CDK6: variants seen among roughly 807,000 people sequenced by gnomAD.
The protein encoded by CDK6 is cyclin-dependent kinase 6.
Under a neutral mutation model 37.1 loss-of-function variants are expected in CDK6, and 6 were observed. That is an observed-to-expected ratio of 0.16 (90% CI 0.09 to 0.32). The LOEUF is 0.32. CDK6 is among the 10% of genes least tolerant of loss of function. The pLI is 1.00. For synonymous variants in CDK6, 160 were observed against 161.3 expected, an observed-to-expected ratio of 0.99 and a Z score of 0.06; for missense variants, 224 against 418.9, an observed-to-expected ratio of 0.53 and a Z score of 4.06.
chr7:92,772,429 G>C (rs1283275318), intron 3 of CDK6, among the ~76,000 whole-genome samples: 1 of 151,918 alleles, frequency 6.6e-6, no homozygotes, highest in Non-Finnish European at 1.5e-5. Flanking sequence ...TTGGATCAAG[G>C]GGTGCTGATC....
Position 92,608,344 on chromosome 7 carries a change from A to C in CDK6, c.*6796T>G. ...CTGCTACATGAGATAATTTGTTTACATACCTTTAATTACCTAACAAAGAAA... is the reference window on the plus strand; with the variant it reads ...CTGCTACATGAGATAATTTGTTTACCTACCTTTAATTACCTAACAAAGAAA... On this transcript the variant is annotated 3_prime_UTR_variant, in exon 8 of 8. Coordinates refer to ENST00000424848, the MANE Select transcript of CDK6 (RefSeq NM_001145306.2). The C allele has an allele frequency of 4.3e-6, 1 of 232,040 alleles. No homozygotes were observed. The highest frequency in any genetic ancestry group is 6.1e-5 in the East Asian group (1 of 16,306). The allele number at this position is 232,040 out of a possible 1,614,324, so 14.4% of individuals were successfully genotyped here.
At chr7:92,676,972 A>G (rs906080500) in intron 4 of CDK6, among the ~76,000 whole-genome samples, 3 of 151,600 alleles carry the variant, frequency 2.0e-5, no homozygotes, top group Non-Finnish European at 4.4e-5. Flanking sequence ...AAAAAAAAAA[A>G]GAAAGAAAAG....
At chr7:92,780,808 A>AAAAAAAACC (rs1486063696) in intron 2 of CDK6, among the ~76,000 whole-genome samples, 1 of 151,270 alleles carries the variant, frequency 6.6e-6, no homozygotes, top group Non-Finnish European at 1.5e-5. Flanking sequence ...CAACAACAAC[A>AAAAAAAACC]AAAAAAACCA....
intron 3 of CDK6, among the ~76,000 whole-genome samples, chr7:92,769,363 C>A (rs927044510): frequency 6.6e-6 from 1 of 152,054 alleles, no homozygotes; most frequent in African/African-American, 2.4e-5. Context: ...AAATTTTATT[C>A]CAAGATTGAA....
At chr7:92,733,831 T>C (rs1003719445) in intron 3 of CDK6, among the ~76,000 whole-genome samples, 8 of 152,148 alleles carry the variant, frequency 5.3e-5, no homozygotes, top group African/African-American at 1.7e-4. Context: ...TTCCACTCTT[T>C]ATAAAACATT....
At chr7:92,618,390 G>A (rs1795727955) in intron 6 of CDK6, 183 bp from the exon 7 acceptor site, 1 of 552,340 alleles carries the variant, frequency 1.8e-6, no homozygotes, top group Admixed American at 3.4e-5. Context: ...GGTGGCCATG[G>A]GGGAGAGGGT....
chr7:92,682,069 G>A lies in CDK6; in HGVS notation c.538-10534C>T, dbSNP rs368707594. 1.1e-3 allele frequency among the ~76,000 whole-genome samples: 172 copies of A among 152,016 alleles called. 1 individual carries two copies. Among genetic ancestry groups the A allele is most frequent in the African/African-American group, 4.1e-3 (169 of 41,468 alleles). The stretch of plus-strand genomic sequence containing the variant: ...TTCAATGAAGCCACCATCAGATCCC[G>A]ACAATTCCATCGAGAGCATGTCCTC... On this transcript the variant is annotated intron_variant, in intron 4 of 7. Coordinates refer to ENST00000424848, the MANE Select transcript of CDK6 (RefSeq NM_001145306.2).
At chr7:92,619,335 C>T (rs191760607) in intron 6 of CDK6, among the ~76,000 whole-genome samples, 73 of 152,190 alleles carry the variant, frequency 4.8e-4, no homozygotes, top group African/African-American at 1.7e-3. Flanking sequence ...TTATAGTTTA[C>T]ATATAGGTCG....
In CDK6 at chr7:92,614,358, G is replaced by A. The variant is rs42377; in HGVS notation, c.*782C>T. ...TCCAAAAGAAATGATAAAGCATGAT[G>A]TCATACAGAAGGTTAAAATAGACTT... On this transcript the variant is annotated 3_prime_UTR_variant, in exon 8 of 8. Transcript: ENST00000424848. The A allele has an allele frequency of 0.28, 59,829 of 214,996 alleles. 8,470 individuals carry two copies. The highest frequency in any genetic ancestry group is 0.31 in the Non-Finnish European group (36,284 of 117,592). The allele number at this position is 214,996 out of a possible 1,614,324, so 13.3% of individuals were successfully genotyped here.
At chr7:92,626,955 T>A (rs990445730) in intron 5 of CDK6, among the ~76,000 whole-genome samples, 2 of 152,102 alleles carry the variant, frequency 1.3e-5, no homozygotes, top group Non-Finnish European at 1.5e-5. Flanking sequence ...TAGTTTGGCA[T>A]ACCTATGTAT....
intron 6 of CDK6, 152 bp downstream of exon 6, chr7:92,622,884 C>G: frequency 1.7e-6 from 1 of 589,040 alleles, no homozygotes; most frequent in Non-Finnish European, 3.1e-6. Flanking sequence ...TCTACCATGT[C>G]TCCACTCACC....
chr7:92,826,644 C>A (rs528942517), intron 2 of CDK6, among the ~76,000 whole-genome samples: 7 of 152,028 alleles, frequency 4.6e-5, no homozygotes, highest in Non-Finnish European at 1.0e-4. Context: ...AAAGCAAGTA[C>A]AATATTGAAG....
At chr7:92,830,867 C>T (rs1801460550) in intron 2 of CDK6, among the ~76,000 whole-genome samples, 1 of 152,120 alleles carries the variant, frequency 6.6e-6, no homozygotes, top group African/African-American at 2.4e-5. Flanking sequence ...GTTCCAGAGC[C>T]TGTAATGTCT....
intron 2 of CDK6, among the ~76,000 whole-genome samples, chr7:92,827,576 A>C (rs2116007627): frequency 6.6e-6 from 1 of 152,130 alleles, no homozygotes; most frequent in East Asian, 1.9e-4. Flanking sequence ...TCTTGGAAAA[A>C]TCTCTCTGAT....
chr7:92,762,976 C>T (rs1799495221), intron 3 of CDK6, among the ~76,000 whole-genome samples: 1 of 152,188 alleles, frequency 6.6e-6, no homozygotes, highest in Non-Finnish European at 1.5e-5. Flanking sequence ...TTATTTTATG[C>T]CTTGCAGTCC....
At chr7:92,804,598 T>C (rs903907699) in intron 2 of CDK6, among the ~76,000 whole-genome samples, 1 of 152,210 alleles carries the variant, frequency 6.6e-6, no homozygotes, top group Non-Finnish European at 1.5e-5. Flanking sequence ...TAATGCTAGA[T>C]GGTTGGACTT....
chr7:92,688,642 A>G (rs1199669269), intron 4 of CDK6, among the ~76,000 whole-genome samples: 2 of 144,552 alleles, frequency 1.4e-5, no homozygotes, highest in Non-Finnish European at 3.1e-5. Context: ...CAGAGTTCTT[A>G]GACAATTTAG....
chr7:92,803,949 CG>C (rs935540099), intron 2 of CDK6, among the ~76,000 whole-genome samples: 1 of 152,104 alleles, frequency 6.6e-6, no homozygotes, highest in African/African-American at 2.4e-5. Context: ...AGCCATCTAC[CG>C]TATTCATAGA....
intron 5 of CDK6, among the ~76,000 whole-genome samples, chr7:92,632,456 T>C (rs1796074993): frequency 6.6e-6 from 1 of 152,208 alleles, no homozygotes; most frequent in African/African-American, 2.4e-5. Context: ...TTTCTCATTT[T>C]TTCCTTAAAA....
Sources: allele counts gnomAD v4.1 joint callset (sites outside exome capture counted in the v4.1 genomes callset), GRCh38; gene constraint gnomAD v4.1.1; transcripts MANE v1.5; gene names NCBI Gene and HGNC (gene_info 2026-07-23, HGNC 2026-07-21).